Variants in WDR41 observed in about 807,000 individuals in gnomAD.
WDR41 encodes WD repeat-containing protein 41.
A neutral mutation model predicts 69.3 loss-of-function variants in WDR41; 63 were observed. That is an observed-to-expected ratio of 0.91 (90% confidence interval 0.74 to 1.12). The LOEUF (loss-of-function observed/expected upper bound fraction) is 1.12, where lower values mean the gene tolerates loss of function less well. WDR41 is among the 50% of genes most tolerant of loss of function. The pLI is 0.00. For synonymous variants in WDR41, 185 were observed against 192.1 expected (o/e 0.96, Z 0.31); for missense variants, 543 against 534.5 (o/e 1.02, Z -0.16).
At position 77,492,223 on chromosome 5, in the gene WDR41, G is replaced by C; in HGVS notation, c.-3C>G. 1 of 1,612,522 alleles carries C rather than the reference G, an allele frequency of 6.2e-7. No homozygotes were observed. The highest frequency in any genetic ancestry group is 8.5e-7 in the Non-Finnish European group (1 of 1,179,598). The stretch of plus-strand genomic sequence containing the variant: ...CCCCCGATCAGCCATCGCAACATCC[G>C]GGCAGCGGCGGCGTCTTGCCCGGTC... On this transcript the variant is annotated 5_prime_UTR_variant, in exon 1 of 13. Coordinates refer to ENST00000296679, the MANE Select transcript of WDR41 (RefSeq NM_018268.4).
chr5:77,434,143 A>C (rs1228201169), intron 12 of WDR41, among the ~76,000 whole-genome samples: 1 of 151,614 alleles, frequency 6.6e-6, no homozygotes, highest in African/African-American at 2.4e-5. Flanking sequence ...CAGCCTGGCC[A>C]AACATGGTGA....
intron 1 of WDR41, among the ~76,000 whole-genome samples, chr5:77,507,485 T>C (rs1428010194): frequency 1.3e-5 from 2 of 152,192 alleles, no homozygotes; most frequent in African/African-American, 4.8e-5. Flanking sequence ...TTTCTTATGT[T>C]AGATGAGCAC....
At chr5:77,450,537 CCA>C (rs1280028196) in intron 7 of WDR41, among the ~76,000 whole-genome samples, 1 of 152,130 alleles carries the variant, frequency 6.6e-6, no homozygotes, top group African/African-American at 2.4e-5. Flanking sequence ...ATAATAAAAT[CCA>C]CAGACGTGAT....
At chr5:77,463,046 G>T in intron 4 of WDR41, 49 bp downstream of exon 4, 1 of 1,588,852 alleles carries the variant, frequency 6.3e-7, no homozygotes. Flanking sequence ...GTATGTAGTG[G>T]CTCCTTAGGC....
At chr5:77,521,849 C>T (rs761893463) in intron 1 of WDR41, among the ~76,000 whole-genome samples, 1 of 152,140 alleles carries the variant, frequency 6.6e-6, no homozygotes. Context: ...TCTTTATAAA[C>T]TCGAAAAAAT....
chr5:77,479,367 CAA>C (rs1214667227), intron 2 of WDR41, among the ~76,000 whole-genome samples: 1 of 152,128 alleles, frequency 6.6e-6, no homozygotes, highest in African/African-American at 2.4e-5. Context: ...ATCACCAAGT[CAA>C]TCCTAAGCCA....
intron 1 of WDR41, among the ~76,000 whole-genome samples, chr5:77,517,631 C>CATATATATATATATATATATATATATAT (rs34773798): frequency 2.8e-5 from 4 of 141,138 alleles, no homozygotes; most frequent in African/African-American, 8.0e-5. Flanking sequence ...ATTTATTGAA[C>CATATATATATATATATATATATATATAT]ATATATATAT....
intron 8 of WDR41, among the ~76,000 whole-genome samples, chr5:77,442,357 T>A (rs1057439436): frequency 7.2e-5 from 11 of 152,152 alleles, no homozygotes; most frequent in African/African-American, 2.2e-4. Context: ...TATAAAAGTA[T>A]GCTTAACAAT....
intron 1 of WDR41, among the ~76,000 whole-genome samples, chr5:77,568,031 T>A (rs1365293581): frequency 6.6e-6 from 1 of 151,632 alleles, no homozygotes; most frequent in Non-Finnish European, 1.5e-5. Context: ...CTGAGTTGAG[T>A]CTATATCAGC....
chr5:77,563,011 G>T (rs1743553327), intron 1 of WDR41, among the ~76,000 whole-genome samples: 1 of 152,002 alleles, frequency 6.6e-6, no homozygotes, highest in South Asian at 2.1e-4. Flanking sequence ...CTCATTTCCT[G>T]CAATAGACTG....
At chr5:77,485,276 G>C (rs1801463290) in intron 2 of WDR41, among the ~76,000 whole-genome samples, 1 of 152,106 alleles carries the variant, frequency 6.6e-6, no homozygotes, top group East Asian at 1.9e-4. Context: ...CCAGATCCTA[G>C]GATCTAAACT....
At chr5:77,588,288 T>C (rs919079175) in intron 1 of WDR41, among the ~76,000 whole-genome samples, 1 of 152,218 alleles carries the variant, frequency 6.6e-6, no homozygotes, top group Non-Finnish European at 1.5e-5. Context: ...TTCCATGAAG[T>C]CCAATATCTC....
chr5:77,432,886 C>A lies in WDR41; in HGVS notation c.*249G>T. 2.6e-6 allele frequency: 1 copy of A among 379,876 alleles called. No homozygotes were observed. Among genetic ancestry groups the A allele is most frequent in the Non-Finnish European group, 4.7e-6 (1 of 214,444 alleles). The allele number at this position is 379,876 out of a possible 1,614,324, so 23.5% of individuals were successfully genotyped here. ...GGTTCAAAATAAGCTCAAAACACAG[C>A]ACTCACCACTTCAACAGCAGCTCAA... On this transcript the variant is annotated 3_prime_UTR_variant, in exon 13 of 13. Coordinates refer to ENST00000296679, the MANE Select transcript of WDR41 (RefSeq NM_018268.4).
intron 1 of WDR41, among the ~76,000 whole-genome samples, chr5:77,615,589 A>G (rs1195264927): frequency 6.6e-6 from 1 of 151,632 alleles, no homozygotes; most frequent in Non-Finnish European, 1.5e-5. Flanking sequence ...AATACCATAA[A>G]CCAAGGCAAT....
chr5:77,451,237 ATG>A lies in WDR41; in HGVS notation c.586+52_586+53del. 3 of 1,530,428 alleles carry A rather than the reference ATG, an allele frequency of 2.0e-6. No homozygotes were observed. In the South Asian group the frequency reaches 3.4e-5, roughly 17 times the overall value. The allele number at this position is 1,530,428 out of a possible 1,614,324, so 94.8% of individuals were successfully genotyped here. A position where few individuals can be genotyped will look rare whatever the true frequency, so the allele number is the denominator to read the frequency against. On this transcript the variant is annotated intron_variant, in intron 7 of 12. Coordinates refer to ENST00000296679, the MANE Select transcript of WDR41 (RefSeq NM_018268.4). ...AAAAAATTACTTTAGTCCTTCCAGC[ATG>A]TGTATACAATTCTCGTTCAAAATAC...
intron 1 of WDR41, among the ~76,000 whole-genome samples, chr5:77,550,064 C>G (rs748378750): frequency 6.6e-6 from 1 of 151,988 alleles, no homozygotes; most frequent in Non-Finnish European, 1.5e-5. Flanking sequence ...AAAAGGACCT[C>G]GACATTTCAC....
intron 1 of WDR41, among the ~76,000 whole-genome samples, chr5:77,587,574 T>C (rs949323302): frequency 6.6e-6 from 1 of 152,226 alleles, no homozygotes; most frequent in Admixed American, 6.5e-5. Context: ...ATCTTTTGTT[T>C]TAATGTGCCT....
At chr5:77,528,461 G>A (rs1188085888) in intron 1 of WDR41, among the ~76,000 whole-genome samples, 1 of 151,624 alleles carries the variant, frequency 6.6e-6, no homozygotes, top group Non-Finnish European at 1.5e-5. Flanking sequence ...AGTCAAGGAA[G>A]AAATAATGTC....
At chr5:77,453,766 G>A (rs746887343) in intron 6 of WDR41, 51 bp downstream of exon 6, 1 of 1,419,124 alleles carries the variant, frequency 7.0e-7, no homozygotes, top group Non-Finnish European at 1.0e-6. Context: ...AAGATCTGCT[G>A]TGTCTTCTAG....
Sources: allele counts gnomAD v4.1 joint callset (sites outside exome capture counted in the v4.1 genomes callset), GRCh38; gene constraint gnomAD v4.1.1; transcripts MANE v1.5; gene names NCBI Gene and HGNC (gene_info 2026-07-23, HGNC 2026-07-21).